The following NEK9 variants were observed in gnomAD, a reference collection of about 807,000 sequenced individuals.
The protein encoded by NEK9 is serine/threonine-protein kinase Nek9.
A neutral mutation model predicts 123.4 loss-of-function variants in NEK9; 75 were observed. The observed-to-expected ratio is 0.61, with a 90% CI of 0.50 to 0.74. The LOEUF is 0.74. Ranked by LOEUF, NEK9 falls within the 30% of genes least tolerant of loss-of-function variation. NEK9 has a pLI of 0.00. For missense variants in NEK9, 952 were observed against 1,214.4 expected (o/e 0.78, Z 3.21); for synonymous variants, 438 against 458.7 (o/e 0.95, Z 0.58).
At chr14:75,124,324 C>A in intron 1 of NEK9, 101 bp from the exon 2 acceptor site, 2 of 928,556 alleles carry the variant, frequency 2.2e-6, no homozygotes, top group Non-Finnish European at 3.3e-6. Context: ...CCTAGAGGGG[C>A]ACAGACTGAC....
intron 16 of NEK9, among the ~76,000 whole-genome samples, chr14:75,100,575 C>CT (rs1894542767): frequency 6.6e-6 from 1 of 152,202 alleles, no homozygotes; most frequent in Non-Finnish European, 1.5e-5. Flanking sequence ...TTAGCAGTCC[C>CT]TATGGACATC....
chr14:75,095,499 G>A, intron 17 of NEK9, 68 bp from the exon 18 acceptor site: 1 of 1,007,600 alleles, frequency 9.9e-7, no homozygotes, highest in East Asian at 2.4e-5. Flanking sequence ...GAGAAGACTA[G>A]GATAGGGAGA....
intron 2 of NEK9, among the ~76,000 whole-genome samples, chr14:75,122,830 C>A (rs1335553300): frequency 7.6e-6 from 1 of 131,978 alleles, no homozygotes; most frequent in African/African-American, 2.9e-5. Flanking sequence ...GGGTCTGGCT[C>A]CATCGCCCAG....
At position 75,101,488 on chromosome 14, in the gene NEK9, T is replaced by C. The variant is rs147349690; in HGVS notation, c.1840+169A>G. 2.4e-3 allele frequency among the ~76,000 whole-genome samples: 367 copies of C among 152,374 alleles called. 2 individuals are homozygous for C. The highest frequency in any genetic ancestry group is 8.1e-3 in the African/African-American group (338 of 41,584). On this transcript the variant is annotated intron_variant, in intron 15 of 21. Coordinates refer to ENST00000238616, the MANE Select transcript of NEK9 (RefSeq NM_033116.6). ...TTCTCATAAAAGGATGTATTTATTATGCATTTATAATAATTATCAATAAAA... is the reference window on the plus strand; with the variant it reads ...TTCTCATAAAAGGATGTATTTATTACGCATTTATAATAATTATCAATAAAA...
chr14:75,109,490 CTAA>C (rs1400324763), intron 10 of NEK9, among the ~76,000 whole-genome samples, 192 bp downstream of exon 10: 1 of 152,100 alleles, frequency 6.6e-6, no homozygotes, highest in Non-Finnish European at 1.5e-5. Flanking sequence ...TATAGGTGAC[CTAA>C]TATGTACCAG....
chr14:75,096,254 G>A (rs1429635775), intron 17 of NEK9, among the ~76,000 whole-genome samples: 1 of 135,984 alleles, frequency 7.4e-6, no homozygotes, highest in Non-Finnish European at 1.5e-5. Flanking sequence ...TCCAGCCTGG[G>A]CGACAGAGCG....
intron 3 of NEK9, 115 bp downstream of exon 3, chr14:75,121,004 G>A (rs1895312270): frequency 1.2e-6 from 1 of 834,752 alleles, no homozygotes; most frequent in Non-Finnish European, 2.0e-6. Flanking sequence ...AGCCTGGAAG[G>A]AGTCTGAACA....
chr14:75,125,836 C>A (rs1479163162), intron 1 of NEK9, among the ~76,000 whole-genome samples: 2 of 152,178 alleles, frequency 1.3e-5, no homozygotes, highest in Non-Finnish European at 2.9e-5. Context: ...TTCAGCAACC[C>A]CAGCAAGTTC....
intron 8 of NEK9, among the ~76,000 whole-genome samples, chr14:75,111,476 CTG>C (rs1258913430): frequency 6.6e-6 from 1 of 152,224 alleles, no homozygotes; most frequent in Non-Finnish European, 1.5e-5. Flanking sequence ...CTGGAAAACT[CTG>C]TCTTATGTTT....
At chr14:75,088,157 C>T (rs950470997) in intron 20 of NEK9, among the ~76,000 whole-genome samples, 3 of 152,142 alleles carry the variant, frequency 2.0e-5, no homozygotes, top group African/African-American at 7.2e-5. Flanking sequence ...ACCAGTATTA[C>T]TTCTTTCTTA....
intron 3 of NEK9, 21 bp from the exon 4 acceptor site, chr14:75,120,601 T>A: frequency 6.3e-7 from 1 of 1,593,046 alleles, no homozygotes; most frequent in Non-Finnish European, 8.6e-7. Context: ...AAAATAAATA[T>A]TTGGATTAGA....
intron 1 of NEK9, among the ~76,000 whole-genome samples, chr14:75,126,440 C>G (rs1253554484): frequency 6.6e-6 from 1 of 152,132 alleles, no homozygotes; most frequent in Admixed American, 6.5e-5. Context: ...AAGGTATTAT[C>G]AGTAAGCCCA....
chr14:75,097,300 T>C (rs1228173600), intron 16 of NEK9, 30 bp from the exon 17 acceptor site: 15 of 1,537,134 alleles, frequency 9.8e-6, no homozygotes, highest in Non-Finnish European at 1.3e-5. Context: ...GTAGACCATT[T>C]AACAGAACAC....
intron 1 of NEK9, 52 bp from the exon 2 acceptor site, chr14:75,124,275 GA>G: frequency 6.5e-7 from 1 of 1,536,832 alleles, no homozygotes; most frequent in Non-Finnish European, 9.0e-7. Flanking sequence ...GGCAGCAAAT[GA>G]ATCCACACCT....
intron 16 of NEK9, among the ~76,000 whole-genome samples, chr14:75,100,370 TGGGA>T (rs1310381315): frequency 6.6e-6 from 1 of 151,958 alleles, no homozygotes; most frequent in African/African-American, 2.4e-5. Flanking sequence ...CGCTTGAACC[TGGGA>T]GGCAGAGGCT....
In NEK9 at chr14:75,084,704, G is replaced by A. The variant is rs759804607; in HGVS notation, c.2818-18C>T. The A allele has an allele frequency of 3.7e-6, 6 of 1,613,620 alleles. No homozygotes were observed. The highest frequency in any genetic ancestry group is 1.7e-5 in the Admixed American group (1 of 59,988). On this transcript the variant is annotated intron_variant, in intron 21 of 21. Transcript: ENST00000238616. ...ATCCCCACCTGTCCGGATAAAACAC[G>A]GTTCCACATTAGCAACAGTGCCACC... is the stretch of plus-strand genomic sequence containing the variant.
chr14:75,108,909 C>T (rs540401998), intron 10 of NEK9, among the ~76,000 whole-genome samples: 79 of 152,200 alleles, frequency 5.2e-4, no homozygotes, highest in South Asian at 1.7e-3. Flanking sequence ...AGCCTGAGAA[C>T]GCATAGCAAG....
intron 15 of NEK9, 115 bp downstream of exon 15, chr14:75,101,542 A>C (rs1046115762): frequency 1.3e-5 from 8 of 621,236 alleles, no homozygotes; most frequent in Non-Finnish European, 2.2e-5. Context: ...TAATGAAATA[A>C]TACTAGATTT....
Position 75,091,274 on chromosome 14 carries a change from C to T in NEK9, c.2438G>A (p.Arg813Gln), listed in dbSNP as rs755805393. 1.7e-5 allele frequency: 28 copies of T among 1,605,484 alleles called. No homozygotes were observed. The highest frequency in any genetic ancestry group is 1.6e-4 in the African/African-American group (12 of 74,300). ...TACTTCTTCCAAAGGAATTACCTTTCGAAGCCAGCCAGGACAGGAGCTGCT... is the reference window on the plus strand; with the variant it reads ...TACTTCTTCCAAAGGAATTACCTTTTGAAGCCAGCCAGGACAGGAGCTGCT... ...GASSSCPGWL[R>Q]KELENAEFIP... Residue 813 changes from arginine to glutamine, a missense_variant, in exon 19 of 22, where the codon CGA becomes CAA. Arg to Gln is a conservative substitution (Grantham distance 43). Around this residue, in one of 4 missense-constraint regions of NEK9, gnomAD observed 698 missense variants for 875.6 expected, o/e 0.80. Coordinates refer to ENST00000238616, the MANE Select transcript of NEK9 (RefSeq NM_033116.6).
Sources: allele counts gnomAD v4.1 joint callset (sites outside exome capture counted in the v4.1 genomes callset), GRCh38; gene constraint gnomAD v4.1.1; regional missense constraint gnomAD v4.1.1; transcripts MANE v1.5; gene names NCBI Gene and HGNC (gene_info 2026-07-23, HGNC 2026-07-21).